Variants in HHAT observed in about 807,000 individuals in gnomAD.
HHAT encodes hedgehog acyltransferase.
A neutral mutation model predicts 70.8 loss-of-function variants in HHAT; 47 were observed. That is an observed-to-expected ratio of 0.66 (90% CI 0.53 to 0.85). The LOEUF is 0.85. Ranked by LOEUF, HHAT falls within the 40% of genes least tolerant of loss-of-function variation. The pLI, the probability that HHAT is intolerant of heterozygous loss-of-function variation, is 0.00. For missense variants in HHAT, 609 were observed against 604.8 expected (o/e 1.01, Z -0.07); for synonymous variants, 228 against 247.6 (o/e 0.92, Z 0.74).
chr1:210,418,729 C>CAT (rs2092801980), intron 7 of HHAT, among the ~76,000 whole-genome samples: 3 of 152,142 alleles, frequency 2.0e-5, no homozygotes, highest in African/African-American at 7.2e-5. Flanking sequence ...GTTCTTTGTG[C>CAT]ATAAGGTATT....
chr1:210,428,189 T>TCAGTA (rs1164297093), intron 7 of HHAT, among the ~76,000 whole-genome samples: 8 of 150,250 alleles, frequency 5.3e-5, no homozygotes, highest in African/African-American at 2.0e-4. Flanking sequence ...TATCCAGAGA[T>TCAGTA]CAGTACTGAT....
chr1:210,561,692 T>C (rs1040789362), intron 9 of HHAT, among the ~76,000 whole-genome samples: 2 of 152,264 alleles, frequency 1.3e-5, no homozygotes, highest in African/African-American at 4.8e-5. Flanking sequence ...TTATGGGGTA[T>C]AATGTGATGT....
At chr1:210,558,837 C>G (rs934557467) in intron 9 of HHAT, among the ~76,000 whole-genome samples, 1 of 152,076 alleles carries the variant, frequency 6.6e-6, no homozygotes, top group African/African-American at 2.4e-5. Context: ...GATGGGGCAT[C>G]CTTGGGAAAG....
chr1:210,328,798 A>G, upstream of HHAT: 2 of 367,404 alleles, frequency 5.4e-6, no homozygotes, highest in Non-Finnish European at 9.6e-6. Context: ...AACGCGGTTC[A>G]GAAACGCAGG....
At chr1:210,403,166 A>AT (rs1253447918) in intron 5 of HHAT, among the ~76,000 whole-genome samples, 2 of 152,190 alleles carry the variant, frequency 1.3e-5, no homozygotes, top group African/African-American at 4.8e-5. Flanking sequence ...TGGGGCTAGC[A>AT]TTTTAAGCAC....
intron 8 of HHAT, among the ~76,000 whole-genome samples, chr1:210,484,197 G>C (rs1179025388): frequency 6.6e-6 from 1 of 152,162 alleles, no homozygotes; most frequent in Non-Finnish European, 1.5e-5. Flanking sequence ...CTGACATGTA[G>C]GTGGAGTTCT....
chr1:210,466,240 G>A (rs990090667), intron 8 of HHAT, among the ~76,000 whole-genome samples: 1 of 152,226 alleles, frequency 6.6e-6, no homozygotes, highest in South Asian at 2.1e-4. Flanking sequence ...CCTTCAAAAG[G>A]TGGGGTTTCT....
intron 8 of HHAT, among the ~76,000 whole-genome samples, chr1:210,494,146 C>A (rs148778653): frequency 1.3e-3 from 200 of 152,336 alleles, no homozygotes; most frequent in South Asian, 2.3e-3. Flanking sequence ...CTCTATCCTA[C>A]ATGTGCAGTG....
chr1:210,647,843 C>G (rs953314945), intron 11 of HHAT, among the ~76,000 whole-genome samples: 4 of 152,208 alleles, frequency 2.6e-5, no homozygotes, highest in African/African-American at 9.7e-5. Context: ...TGCTATACAA[C>G]TTTTATTGCT....
intron 2 of HHAT, among the ~76,000 whole-genome samples, chr1:210,360,230 A>G (rs1025652684): frequency 2.6e-5 from 4 of 152,130 alleles, no homozygotes; most frequent in African/African-American, 9.7e-5. Flanking sequence ...TATGTCAGGG[A>G]GCATTTGTGT....
intron 10 of HHAT, among the ~76,000 whole-genome samples, chr1:210,596,493 T>C (rs1194833989): frequency 6.6e-6 from 1 of 152,080 alleles, no homozygotes; most frequent in Non-Finnish European, 1.5e-5. Context: ...TTCTAGATCT[T>C]ATAGGCATGC....
At chr1:210,646,193 T>A (rs966839524) in intron 11 of HHAT, among the ~76,000 whole-genome samples, 1 of 152,260 alleles carries the variant, frequency 6.6e-6, no homozygotes, top group Non-Finnish European at 1.5e-5. Context: ...ACCAGAAGTC[T>A]CTGTTTACTT....
chr1:210,539,876 A>G (rs1234928019), intron 9 of HHAT, among the ~76,000 whole-genome samples: 1 of 152,140 alleles, frequency 6.6e-6, no homozygotes, highest in Non-Finnish European at 1.5e-5. Context: ...TGTTCCTTCC[A>G]CTCAAGAAAA....
chr1:210,648,938 G>A (rs113860183), intron 11 of HHAT, among the ~76,000 whole-genome samples: 8 of 152,314 alleles, frequency 5.3e-5, no homozygotes, highest in African/African-American at 1.7e-4. Context: ...CACCAGGATT[G>A]AGCCTTTTAA....
chr1:210,583,910 T>G (rs1318543503), intron 9 of HHAT, among the ~76,000 whole-genome samples: 1 of 151,626 alleles, frequency 6.6e-6, no homozygotes, highest in Non-Finnish European at 1.5e-5. Context: ...ATGAGAGGTT[T>G]GTGTGCTATG....
intron 9 of HHAT, among the ~76,000 whole-genome samples, chr1:210,576,415 C>T (rs1316881315): frequency 6.6e-6 from 1 of 150,882 alleles, no homozygotes; most frequent in Non-Finnish European, 1.5e-5. Context: ...AAAAGTTTCC[C>T]TGTACCCCTT....
At chr1:210,552,546 T>G (rs2095536087) in intron 9 of HHAT, among the ~76,000 whole-genome samples, 1 of 152,230 alleles carries the variant, frequency 6.6e-6, no homozygotes, top group Non-Finnish European at 1.5e-5. Flanking sequence ...ATTGGACTGC[T>G]GGGCAGTTGT....
intron 3 of HHAT, among the ~76,000 whole-genome samples, chr1:210,386,325 G>A (rs1161561963): frequency 1.1e-4 from 14 of 130,752 alleles, no homozygotes; most frequent in Non-Finnish European, 1.4e-4. Context: ...TGCAAGCTCC[G>A]CCTCCCGGGT....
At chr1:210,425,523 C>G (rs1203989220) in intron 7 of HHAT, among the ~76,000 whole-genome samples, 1 of 151,986 alleles carries the variant, frequency 6.6e-6, no homozygotes, top group Non-Finnish European at 1.5e-5. Context: ...TTTGTATGTG[C>G]TATAAAGAAG....
Sources: allele counts gnomAD v4.1 joint callset (sites outside exome capture counted in the v4.1 genomes callset), GRCh38; gene constraint gnomAD v4.1.1; transcripts MANE v1.5; gene names NCBI Gene and HGNC (gene_info 2026-07-23, HGNC 2026-07-21).